The following SNX13 variants were observed in gnomAD, a reference collection of about 807,000 sequenced individuals.
SNX13 encodes the protein sorting nexin-13.
SNX13 carries 45 observed loss-of-function variants against 133.6 expected under a neutral mutation model. The observed-to-expected ratio is 0.34, with a 90% confidence interval of 0.27 to 0.43. The LOEUF (loss-of-function observed/expected upper bound fraction) is 0.43. Among genes scored for constraint, SNX13 ranks in the 20% least tolerant of loss-of-function variants. SNX13 has a pLI of 1.00. For synonymous variants in SNX13, 414 were observed against 373.9 expected (o/e 1.11, Z -1.24); for missense variants, 1,032 against 1,145.1 (o/e 0.90, Z 1.43).
intron 1 of SNX13, among the ~76,000 whole-genome samples, chr7:17,922,616 A>G (rs1800247145): frequency 6.6e-6 from 1 of 152,174 alleles, no homozygotes; most frequent in Non-Finnish European, 1.5e-5. Context: ...CTTTCTGATC[A>G]TTAATTGGCA....
intron 17 of SNX13, among the ~76,000 whole-genome samples, chr7:17,824,982 A>G (rs1225331050): frequency 6.6e-6 from 1 of 152,022 alleles, no homozygotes; most frequent in Non-Finnish European, 1.5e-5. Context: ...GTTGGCCAGT[A>G]TGGTCTCAAT....
intron 11 of SNX13, among the ~76,000 whole-genome samples, chr7:17,846,086 T>C: frequency 6.6e-6 from 1 of 152,268 alleles, no homozygotes; most frequent in Non-Finnish European, 1.5e-5. Context: ...AAAGTCTATT[T>C]ACTACTAGGA....
intron 15 of SNX13, chr7:17,831,560 C>A (rs935588975): frequency 2.0e-6 from 2 of 983,882 alleles, no homozygotes; most frequent in African/African-American, 1.8e-5. Context: ...TCTACTCAAG[C>A]AAAGAAAAAC....
intron 1 of SNX13, among the ~76,000 whole-genome samples, chr7:17,902,505 T>A (rs565204756): frequency 4.2e-4 from 64 of 152,276 alleles, no homozygotes; most frequent in Non-Finnish European, 7.9e-4. Flanking sequence ...GACATTATAA[T>A]CTTATTAGTG....
intron 1 of SNX13, among the ~76,000 whole-genome samples, chr7:17,939,732 G>A (rs1180036659): frequency 6.6e-6 from 1 of 152,234 alleles, no homozygotes; most frequent in African/African-American, 2.4e-5. Flanking sequence ...ATGTGGGGGA[G>A]GGGGATGACC....
At chr7:17,799,515 C>A (rs1784401838) in intron 22 of SNX13, among the ~76,000 whole-genome samples, 1 of 151,682 alleles carries the variant, frequency 6.6e-6, no homozygotes, top group Non-Finnish European at 1.5e-5. Context: ...TCTGATGCAT[C>A]TTTTTCACAA....
chr7:17,906,995 T>C (rs1246235510), intron 1 of SNX13, among the ~76,000 whole-genome samples: 1 of 152,224 alleles, frequency 6.6e-6, no homozygotes, highest in African/African-American at 2.4e-5. Flanking sequence ...GACAGAAACA[T>C]TTCCATTCAT....
intron 22 of SNX13, among the ~76,000 whole-genome samples, chr7:17,801,360 G>A (rs937711938): frequency 2.6e-5 from 4 of 151,708 alleles, no homozygotes; most frequent in Admixed American, 6.6e-5. Context: ...TGGTGGAGGC[G>A]AAGGTCCTAA....
At chr7:17,918,294 C>A (rs1799768273) in intron 1 of SNX13, among the ~76,000 whole-genome samples, 1 of 152,086 alleles carries the variant, frequency 6.6e-6, no homozygotes, top group Non-Finnish European at 1.5e-5. Context: ...CATAATTAAA[C>A]TAAAGACCTT....
At chr7:17,919,084 T>C (rs1437441152) in intron 1 of SNX13, among the ~76,000 whole-genome samples, 4 of 152,164 alleles carry the variant, frequency 2.6e-5, no homozygotes, top group African/African-American at 9.7e-5. Flanking sequence ...CACTGGCCAC[T>C]GCAAAAGAGG....
chr7:17,842,039 G>C (rs543001114), intron 12 of SNX13, among the ~76,000 whole-genome samples: 65 of 152,018 alleles, frequency 4.3e-4, no homozygotes, highest in African/African-American at 1.5e-3. Flanking sequence ...GTTCTATAAG[G>C]AGAAGAGAGA....
chr7:17,928,242 A>T (rs1800986321), intron 1 of SNX13, among the ~76,000 whole-genome samples: 1 of 152,194 alleles, frequency 6.6e-6, no homozygotes, highest in Non-Finnish European at 1.5e-5. Flanking sequence ...ACGTGGATGT[A>T]GCCCCAGCTA....
At position 17,821,630 on chromosome 7, in the gene SNX13, C is replaced by T. The variant is rs1331985314; in HGVS notation, c.1724G>A (p.Gly575Asp). The T allele has an allele frequency of 6.2e-7, 1 of 1,613,364 alleles. No individual in the cohort carries two copies. Among genetic ancestry groups the T allele is most frequent in the Admixed American group, 1.7e-5 (1 of 59,964 alleles). The change falls in exon 18 of 26, where the codon GGC becomes GAC. Residue 575 changes from glycine (G) to aspartate (D), a missense_variant. By Grantham distance (94) the Gly-to-Asp change is moderately conservative (BLOSUM62 -1). Transcript: ENST00000428135. ...ISDTGVCNDH[G>D]KTYALYAITV... ...GATGGCATATAATGCATATGTCTTG[C>T]CATGATCATTACAAACGCCTGCCAC... is the stretch of plus-strand genomic sequence containing the variant.
chr7:17,876,552 C>G (rs1006084320), intron 5 of SNX13, among the ~76,000 whole-genome samples: 1 of 145,896 alleles, frequency 6.9e-6, no homozygotes, highest in African/African-American at 2.6e-5. Flanking sequence ...TGCATTCGAG[C>G]CTGGGAACAG....
At chr7:17,883,027 G>T (rs1368988737) in intron 5 of SNX13, 6 of 269,008 alleles carry the variant, frequency 2.2e-5, no homozygotes, top group Non-Finnish European at 3.7e-5. Context: ...ACCATAACAA[G>T]AAAACAAAAC....
intron 20 of SNX13, among the ~76,000 whole-genome samples, chr7:17,809,556 A>C (rs1175559987): frequency 6.6e-6 from 1 of 152,236 alleles, no homozygotes; most frequent in Non-Finnish European, 1.5e-5. Flanking sequence ...TATTAGACAG[A>C]TCAATGAGAC....
chr7:17,797,048 A>G, intron 24 of SNX13, 109 bp from the exon 25 acceptor site: 1 of 822,224 alleles, frequency 1.2e-6, no homozygotes, highest in South Asian at 1.6e-5. Context: ...AACAGAAAGA[A>G]AAGTTTCTGA....
chr7:17,868,485 G>A lies in SNX13; in HGVS notation c.759C>T (p.Ile253=). Residue 253 remains isoleucine, a synonymous_variant, in exon 9 of 26, where the codon ATC becomes ATT. Coordinates refer to ENST00000428135, the MANE Select transcript of SNX13 (RefSeq NM_015132.5). ...NKIMRYFVRE[I]LARGILLPLI... ...ATGGAAGAAGAATTCCTCGTGCAAG[G>A]ATTTCCTGAAAAAAAAGTAAATAAC... 1 of 1,600,150 alleles carries A rather than the reference G, an allele frequency of 6.2e-7. No homozygotes were observed.
Position 17,798,682 on chromosome 7 carries a change from A to T in SNX13, c.2513+8T>A. 1 of 1,565,582 alleles carries T rather than the reference A, an allele frequency of 6.4e-7. No individual in the cohort carries two copies. The highest frequency in any genetic ancestry group is 8.7e-7 in the Non-Finnish European group (1 of 1,152,898). ...ACCTGAAAGAAGTGACTGTGTCTTA[A>T]GATATACCTGAAACGTTTCACTGAG... On this transcript the variant is annotated splice_region_variant and intron_variant, in intron 24 of 25. Coordinates refer to ENST00000428135, the MANE Select transcript of SNX13 (RefSeq NM_015132.5).
Sources: allele counts gnomAD v4.1 joint callset (sites outside exome capture counted in the v4.1 genomes callset), GRCh38; gene constraint gnomAD v4.1.1; transcripts MANE v1.5; gene names NCBI Gene and HGNC (gene_info 2026-07-23, HGNC 2026-07-21).